Variants in FBXO8 observed in about 807,000 individuals in gnomAD.
FBXO8 encodes F-box protein 8.
A neutral mutation model predicts 33.4 loss-of-function variants in FBXO8; 15 were observed. The observed-to-expected ratio is 0.45, with a 90% confidence interval of 0.30 to 0.69. The LOEUF is 0.69. FBXO8 is among the 30% of genes least tolerant of loss of function. FBXO8 has a pLI of 0.08. For synonymous variants in FBXO8, 132 were observed against 131.5 expected (o/e 1.00, Z -0.02); for missense variants, 274 against 380.3 (o/e 0.72, Z 2.32).
chr4:174,268,713 G>A (rs2126443262), intron 1 of FBXO8, among the ~76,000 whole-genome samples: 1 of 152,350 alleles, frequency 6.6e-6, no homozygotes, highest in South Asian at 2.1e-4. Flanking sequence ...TGGGATTACA[G>A]GCGTGAGCCA....
At position 174,262,221 on chromosome 4, in the gene FBXO8, GA is replaced by G. The variant is rs898500800; in HGVS notation, c.329+542del. Among the ~76,000 whole-genome samples, 5 of 150,570 alleles carry G rather than the reference GA, an allele frequency of 3.3e-5. No homozygotes were observed. Among genetic ancestry groups the G allele is most frequent in the Admixed American group, 6.6e-5 (1 of 15,138 alleles). On this transcript the variant is annotated intron_variant, in intron 2 of 5. Transcript: ENST00000393674. The surrounding 1 kb of genome is among the most constrained non-coding windows in gnomAD (Gnocchi z 4.6). ...GCCTACTTCATTGAAATGCTGGTTA[GA>G]AAAAAAAAGTAGATAAAATTTTCAC... is the stretch of plus-strand genomic sequence containing the variant.
rs937064725 is a variant in FBXO8 at position 174,247,522 on chromosome 4, T to C, written c.457-6304A>G. 1.3e-5 allele frequency among the ~76,000 whole-genome samples: 2 copies of C among 152,042 alleles called. No homozygotes were observed. The highest frequency in any genetic ancestry group is 2.9e-5 in the Non-Finnish European group (2 of 67,962). ...AAAAACATTTTGAAGACTTTAAAAA[T>C]AGTAATACTTAAACAATATAGCTCA... On this transcript the variant is annotated intron_variant, in intron 3 of 5. Transcript: ENST00000393674. The surrounding 1 kb of genome is among the most constrained non-coding windows in gnomAD (Gnocchi z 4.6).
At position 174,267,402 on chromosome 4, in the gene FBXO8, C is replaced by T. The variant is rs1736718452; in HGVS notation, c.-8-4302G>A. 6.6e-6 allele frequency among the ~76,000 whole-genome samples: 1 copy of T among 152,040 alleles called. No homozygotes were observed. The highest frequency in any genetic ancestry group is 6.6e-5 in the Admixed American group (1 of 15,260). On this transcript the variant is annotated intron_variant, in intron 1 of 5. Transcript: ENST00000393674. The surrounding 1 kb of genome is among the most constrained non-coding windows in gnomAD (Gnocchi z 4.7). ...TTCAACAAAATACAAAAAAAGTTAG[C>T]TAGGTGCGATGGTGCATACCTGTAG...
At chr4:174,248,251 T>C (rs1383288453) in intron 3 of FBXO8, among the ~76,000 whole-genome samples, 14 of 152,084 alleles carry the variant, frequency 9.2e-5, no homozygotes, top group Admixed American at 8.5e-4. Flanking sequence ...ACATTGCTTT[T>C]ATTAAGCTGC....
Position 174,252,653 on chromosome 4 carries a change from GCACACA to G in FBXO8, c.456+7040_456+7045del, listed in dbSNP as rs547330456. Among the ~76,000 whole-genome samples, 7 of 127,904 alleles carry G rather than the reference GCACACA, an allele frequency of 5.5e-5. No individual in the cohort carries two copies. Among genetic ancestry groups the G allele is most frequent in the Non-Finnish European group, 1.1e-4 (6 of 53,194 alleles). The allele number at this position is 127,904 out of a possible 152,430, so 83.9% of individuals were successfully genotyped here. A position where few individuals can be genotyped will look rare whatever the true frequency, so the allele number is the denominator to read the frequency against. Reference sequence around the variant, plus strand: ...CATGTACTTGTGCATGTGAGTGCATGCACACACACACACACACACACACGCACAGAC... The same window carrying G: ...CATGTACTTGTGCATGTGAGTGCATGCACACACACACACACACGCACAGAC... On this transcript the variant is annotated intron_variant, in intron 3 of 5. Coordinates refer to ENST00000393674, the MANE Select transcript of FBXO8 (RefSeq NM_012180.3). This position sits in a 1 kb window ranked among gnomAD's most constrained non-coding sequence, Gnocchi z 5.1.
In FBXO8 at chr4:174,254,689, A is replaced by G. The variant is rs976943607; in HGVS notation, c.456+5010T>C. On this transcript the variant is annotated intron_variant, in intron 3 of 5. Transcript: ENST00000393674. This position sits in a 1 kb window ranked among gnomAD's most constrained non-coding sequence, Gnocchi z 4.2. ...AAATCAGATGGTAATCAAAATATAA[A>G]ATGGAAAAATCTCTCAGTCTGTCAA... Among the ~76,000 whole-genome samples, 1 of 152,140 alleles carries G rather than the reference A, an allele frequency of 6.6e-6. No individual in the cohort carries two copies. The highest frequency in any genetic ancestry group is 1.5e-5 in the Non-Finnish European group (1 of 68,006).
intron 3 of FBXO8, among the ~76,000 whole-genome samples, chr4:174,243,336 G>A (rs1423584010): frequency 1.3e-5 from 2 of 151,232 alleles, no homozygotes; most frequent in South Asian, 2.1e-4. Flanking sequence ...ATGAGGAAAA[G>A]AGGCATCAGG....
chr4:174,237,769 A>G lies in FBXO8; in HGVS notation c.773-170T>C, dbSNP rs970097737. 6.6e-6 allele frequency among the ~76,000 whole-genome samples: 1 copy of G among 152,102 alleles called. No individual in the cohort carries two copies. The highest frequency in any genetic ancestry group is 1.5e-5 in the Non-Finnish European group (1 of 67,952). On this transcript the variant is annotated intron_variant, in intron 5 of 5. Transcript: ENST00000393674. The surrounding 1 kb of genome is among the most constrained non-coding windows in gnomAD (Gnocchi z 4.4). ...CTAGACTCTTCCCAGTTTTGCACTG[A>G]AAGTCCTGTCATCCTGGGAAACTCA...
chr4:174,280,380 T>C (rs958293821), intron 1 of FBXO8, among the ~76,000 whole-genome samples: 6 of 152,134 alleles, frequency 3.9e-5, no homozygotes, highest in Admixed American at 1.3e-4. Flanking sequence ...GTATTGTTAA[T>C]GTGAATGTAA....
Position 174,278,579 on chromosome 4 carries a change from G to T in FBXO8, c.-9+4831C>A, listed in dbSNP as rs551436850. ...AATAAATGTATCATACTTCTCACTA[G>T]CATTATTTTTAATTATATGGTTCTT... On this transcript the variant is annotated intron_variant, in intron 1 of 5. Coordinates refer to ENST00000393674, the MANE Select transcript of FBXO8 (RefSeq NM_012180.3). The surrounding 1 kb of genome is among the most constrained non-coding windows in gnomAD (Gnocchi z 4.1). Among the ~76,000 whole-genome samples the T allele has an allele frequency of 5.3e-5, 8 of 152,002 alleles. No individual in the cohort carries two copies. The South Asian group carries it at 1.7e-3, about 32-fold the overall frequency.
In FBXO8 at chr4:174,255,742, CAAG is replaced by C. The variant is rs1380865446; in HGVS notation, c.456+3954_456+3956del. 6.6e-6 allele frequency among the ~76,000 whole-genome samples: 1 copy of C among 152,054 alleles called. No homozygotes were observed. Among genetic ancestry groups the C allele is most frequent in the African/African-American group, 2.4e-5 (1 of 41,428 alleles). The stretch of plus-strand genomic sequence containing the variant: ...ATCCTAAATTTAAAAATAACTACGT[CAAG>C]AAAGTGTTTTAATATACATTGGAGC... On this transcript the variant is annotated intron_variant, in intron 3 of 5. Transcript: ENST00000393674. The surrounding 1 kb of genome is among the most constrained non-coding windows in gnomAD (Gnocchi z 4.3).
intron 3 of FBXO8, among the ~76,000 whole-genome samples, chr4:174,258,759 A>C (rs1736473450): frequency 6.6e-6 from 1 of 152,066 alleles, no homozygotes; most frequent in African/African-American, 2.4e-5. Context: ...CATACGTATA[A>C]AATTGGTATT....
intron 5 of FBXO8, among the ~76,000 whole-genome samples, chr4:174,238,730 A>G (rs1735949501): frequency 6.8e-6 from 1 of 147,252 alleles, no homozygotes; most frequent in African/African-American, 2.5e-5. Context: ...ATATATAAAA[A>G]ATATAAATGG....
rs1736405510 is a variant in FBXO8 at position 174,255,990 on chromosome 4, G to A, written c.456+3709C>T. On this transcript the variant is annotated intron_variant, in intron 3 of 5. Transcript: ENST00000393674. The surrounding 1 kb of genome is among the most constrained non-coding windows in gnomAD (Gnocchi z 4.3). The stretch of plus-strand genomic sequence containing the variant: ...CGTTACATACAGCTGAGATCACAAT[G>A]TCATGCATAGTACAACAGCGTGCCA... 4.6e-6 allele frequency: 2 copies of A among 435,340 alleles called. No individual in the cohort carries two copies. Among genetic ancestry groups the A allele is most frequent in the Admixed American group, 2.5e-5 (1 of 39,672 alleles). The allele number at this position is 435,340 out of a possible 1,614,324, so 27.0% of individuals were successfully genotyped here.
chr4:174,266,040 G>C (rs1014094046), intron 1 of FBXO8, among the ~76,000 whole-genome samples: 2 of 152,088 alleles, frequency 1.3e-5, no homozygotes, highest in Non-Finnish European at 2.9e-5. Context: ...AACAATTTCA[G>C]TCTATTTTCC....
rs939021496 is a variant in FBXO8 at position 174,283,359 on chromosome 4, G to A, written c.-9+51C>T. ...CTTTATTTTCGAGAAAAGTGAAGGT[G>A]AACAGGGAAAAGAGACAAGAGATCT... is the stretch of plus-strand genomic sequence containing the variant. On this transcript the variant is annotated intron_variant, in intron 1 of 5. Transcript: ENST00000393674. This position sits in a 1 kb window ranked among gnomAD's most constrained non-coding sequence, Gnocchi z 6.7. The A allele has an allele frequency of 2.0e-5, 3 of 152,772 alleles. No homozygotes were observed. The highest frequency in any genetic ancestry group is 7.2e-5 in the African/African-American group (3 of 41,462). The allele number at this position is 152,772 out of a possible 1,614,324, so 9.5% of individuals were successfully genotyped here.
rs1350795830 is a variant in FBXO8 at position 174,270,071 on chromosome 4, ATGAATGGCTAC to A, written c.-8-6982_-8-6972del. On this transcript the variant is annotated intron_variant, in intron 1 of 5. Coordinates refer to ENST00000393674, the MANE Select transcript of FBXO8 (RefSeq NM_012180.3). This position sits in a 1 kb window ranked among gnomAD's most constrained non-coding sequence, Gnocchi z 4.6. ...TAAACAGGAAACTTAGAAGCCTGAC[ATGAATGGCTAC>A]TGAATGGCTACTGAATGTGGACTGG... 2.6e-5 allele frequency among the ~76,000 whole-genome samples: 4 copies of A among 152,250 alleles called. No homozygotes were observed. Among genetic ancestry groups the A allele is most frequent in the Admixed American group, 6.5e-5 (1 of 15,284 alleles).
In FBXO8 at chr4:174,265,690, C is replaced by CA. The variant is rs763327798; in HGVS notation, c.-8-2591dup. 2.0e-5 allele frequency among the ~76,000 whole-genome samples: 3 copies of CA among 151,958 alleles called. No individual in the cohort carries two copies. The highest frequency in any genetic ancestry group is 2.9e-5 in the Non-Finnish European group (2 of 67,946). ...GGAGACAGTAGAAATGATCAACGTACAAAAAATAGAGAATGTCAACAAAAA... is the reference window on the plus strand; with the variant it reads ...GGAGACAGTAGAAATGATCAACGTACAAAAAAATAGAGAATGTCAACAAAAA... On this transcript the variant is annotated intron_variant, in intron 1 of 5. Transcript: ENST00000393674. This position sits in a 1 kb window ranked among gnomAD's most constrained non-coding sequence, Gnocchi z 4.7.
intron 1 of FBXO8, among the ~76,000 whole-genome samples, chr4:174,279,277 T>C (rs1453838489): frequency 6.6e-6 from 1 of 151,898 alleles, no homozygotes; most frequent in Admixed American, 6.6e-5. Context: ...TACAACAGCA[T>C]CAAAAAGAAT....
Sources: allele counts gnomAD v4.1 joint callset (sites outside exome capture counted in the v4.1 genomes callset), GRCh38; gene constraint gnomAD v4.1.1; non-coding constraint Gnocchi (gnomAD v3.1); transcripts MANE v1.5; gene names NCBI Gene and HGNC (gene_info 2026-07-23, HGNC 2026-07-21).